LACTBL1: variants seen among roughly 807,000 people sequenced by gnomAD.
LACTBL1 encodes the protein lactamase beta like 1.
Under a neutral mutation model 39.6 loss-of-function variants are expected in LACTBL1, and 29 were observed. That is an observed-to-expected ratio of 0.73 (90% CI 0.55 to 1.00). The LOEUF is 1.00. LACTBL1 is among the 50% of genes least tolerant of loss of function. LACTBL1 has a pLI of 0.00. For missense variants in LACTBL1, 711 were observed against 748.5 expected (o/e 0.95, Z 0.59); for synonymous variants, 361 against 360.7 (o/e 1.00, Z -0.01).
the LACTBL1 span, chr1:22,972,476 G>A: frequency 1.0e-6 from 1 of 980,296 alleles, no homozygotes; most frequent in East Asian, 1.1e-4. Flanking sequence ...AAAACAAGGA[G>A]GGTAGACGAG....
chr1:22,972,122 G>A, the LACTBL1 span, among the ~76,000 whole-genome samples: 3 of 151,350 alleles, frequency 2.0e-5, no homozygotes, highest in Admixed American at 1.3e-4. Context: ...TTCCTGGCCT[G>A]CAGGTGCAAG....
chr1:22,970,570 G>A, the LACTBL1 span, among the ~76,000 whole-genome samples: 1 of 152,132 alleles, frequency 6.6e-6, no homozygotes, highest in Non-Finnish European at 1.5e-5. Flanking sequence ...AACTCTGGGA[G>A]GCCGAGGCAG....
intron 4 of LACTBL1, among the ~76,000 whole-genome samples, chr1:22,956,232 C>G (rs1640760670): frequency 6.6e-6 from 1 of 151,808 alleles, no homozygotes; most frequent in South Asian, 2.1e-4. Flanking sequence ...ATTAGCTGGA[C>G]TCAGTGGCAC....
At chr1:22,957,466 A>G (rs1640772746) in intron 4 of LACTBL1, among the ~76,000 whole-genome samples, 1 of 152,070 alleles carries the variant, frequency 6.6e-6, no homozygotes, top group Non-Finnish European at 1.5e-5. Context: ...CACCAATTTA[A>G]ATTCCCAGCA....
chr1:22,962,562 G>A (rs986968726), intron 2 of LACTBL1, among the ~76,000 whole-genome samples: 1 of 152,118 alleles, frequency 6.6e-6, no homozygotes, highest in Non-Finnish European at 1.5e-5. Context: ...GGTGGCCTCT[G>A]CAATGTGGGC....
chr1:22,962,553 G>A (rs1640836129), intron 2 of LACTBL1, among the ~76,000 whole-genome samples: 1 of 152,116 alleles, frequency 6.6e-6, no homozygotes, highest in Admixed American at 6.6e-5. Context: ...TCATATCGCG[G>A]TGGCCTCTGC....
At chr1:22,971,551 C>T in the LACTBL1 span, among the ~76,000 whole-genome samples, 6 of 152,188 alleles carry the variant, frequency 3.9e-5, no homozygotes, top group Non-Finnish European at 5.9e-5. Context: ...GCCCCAATCA[C>T]CCTCACCTCC....
At chr1:22,955,934 T>G (rs564008835) in intron 4 of LACTBL1, among the ~76,000 whole-genome samples, 2 of 152,106 alleles carry the variant, frequency 1.3e-5, no homozygotes, top group Non-Finnish European at 2.9e-5. Context: ...CGTCTTGGCA[T>G]GCGCCTGTAA....
intron 4 of LACTBL1, 141 bp from the exon 7 acceptor site, chr1:22,955,567 C>G (rs600941): frequency 3.2e-6 from 2 of 624,426 alleles, no homozygotes; most frequent in Admixed American, 5.2e-5. Flanking sequence ...ATCAGCCTAG[C>G]GTGGACTCCA....
upstream of LACTBL1, among the ~76,000 whole-genome samples, chr1:22,969,748 T>C (rs987998521): frequency 6.6e-6 from 1 of 152,116 alleles, no homozygotes; most frequent in African/African-American, 2.4e-5. Flanking sequence ...TTAACACCCA[T>C]AGGCATCTGT....
upstream of LACTBL1, among the ~76,000 whole-genome samples, chr1:22,968,796 C>T (rs1016782447): frequency 6.6e-6 from 1 of 152,192 alleles, no homozygotes; most frequent in African/African-American, 2.4e-5. Flanking sequence ...TAGTGCCTAA[C>T]TCATAAATTT....
chr1:22,967,413 A>G (rs1205632186), upstream of LACTBL1, among the ~76,000 whole-genome samples: 2 of 151,926 alleles, frequency 1.3e-5, no homozygotes, highest in Non-Finnish European at 2.9e-5. Context: ...GTGTGGTGGT[A>G]TATACCTGTG....
At chr1:22,959,324 T>C (rs1640792460) in intron 3 of LACTBL1, among the ~76,000 whole-genome samples, 1 of 152,240 alleles carries the variant, frequency 6.6e-6, no homozygotes, top group Admixed American at 6.5e-5. Context: ...GCAAAGTGCC[T>C]GTCTACGTTC....
exon 6 of LACTBL1, chr1:22,954,017 A>C: frequency 2.5e-5 from 39 of 1,532,264 alleles, no homozygotes; most frequent in Non-Finnish European, 3.4e-5. Context: ...AGCGTGCTGT[A>C]ATGGCATCTG....
chr1:22,963,243 G>A, intron 1 of LACTBL1, 27 bp from the exon 4 acceptor site: 1 of 1,244,624 alleles, frequency 8.0e-7, no homozygotes, highest in Non-Finnish European at 1.1e-6. Context: ...ATGGTGAGGA[G>A]GGGACAGAGA....
exon 2 of LACTBL1, chr1:22,963,151 G>T (rs1439698071): frequency 7.7e-7 from 1 of 1,301,714 alleles, no homozygotes; most frequent in Non-Finnish European, 9.8e-7. Flanking sequence ...TGAGCCAGGG[G>T]CACGGGCTCA....
chr1:22,958,301 C>G (rs954065135), intron 4 of LACTBL1, among the ~76,000 whole-genome samples: 1 of 152,068 alleles, frequency 6.6e-6, no homozygotes, highest in African/African-American at 2.4e-5. Context: ...CCCAGACTGG[C>G]TTAGAATTAC....
chr1:22,965,147 A>G, intron 1 of LACTBL1, 143 bp downstream of exon 3: 4 of 607,212 alleles, frequency 6.6e-6, no homozygotes, highest in East Asian at 3.5e-5. Flanking sequence ...AGCTAGTGAG[A>G]GCTGGACTCA....
chr1:22,957,144 C>T (rs371673488), intron 4 of LACTBL1, among the ~76,000 whole-genome samples: 2 of 151,790 alleles, frequency 1.3e-5, no homozygotes, highest in African/African-American at 4.8e-5. Flanking sequence ...TGCTTTTTTC[C>T]TACTTAGTAT....
Sources: gnomAD v4.1 joint callset for allele counts (sites outside exome capture counted in the v4.1 genomes callset) on GRCh38, gnomAD v4.1.1 for gene constraint, MANE v1.5 for transcripts, NCBI Gene and HGNC (gene_info 2026-07-23, HGNC 2026-07-21) for gene names.